The following OPCML variants were observed in gnomAD, a reference collection of about 807,000 sequenced individuals.
OPCML encodes opioid binding protein/cell adhesion molecule like.
In OPCML, 13 loss-of-function variants were observed where a neutral mutation model predicts 37.8. That is an observed-to-expected ratio of 0.34 (90% CI 0.22 to 0.55). OPCML has a LOEUF of 0.55. Ranked by LOEUF, OPCML falls within the 20% of genes least tolerant of loss-of-function variation. OPCML has a pLI of 0.91. For synonymous variants in OPCML, 176 were observed against 168.8 expected (o/e 1.04, Z -0.33); for missense variants, 341 against 435.6 (o/e 0.78, Z 1.93).
At chr11:132,493,624 A>G (rs544573019) in intron 4 of OPCML, among the ~76,000 whole-genome samples, 3 of 152,248 alleles carry the variant, frequency 2.0e-5, no homozygotes, top group South Asian at 4.2e-4. Flanking sequence ...TTTGTTCAAA[A>G]ATGTTCCCAA....
At chr11:132,925,556 G>A (rs118118411) in intron 2 of OPCML, among the ~76,000 whole-genome samples, 1 of 152,106 alleles carries the variant, frequency 6.6e-6, no homozygotes, top group East Asian at 1.9e-4. Flanking sequence ...TGGGGACTCC[G>A]CAAGGACTTA....
At chr11:133,147,918 C>G (rs1187029752) in intron 1 of OPCML, among the ~76,000 whole-genome samples, 1 of 152,188 alleles carries the variant, frequency 6.6e-6, no homozygotes, top group African/African-American at 2.4e-5. Flanking sequence ...TACTGCCCGT[C>G]CTGCAGTTGT....
chr11:133,297,802 C>A (rs1300308860), intron 1 of OPCML: 1 of 152,132 alleles, frequency 6.6e-6, no homozygotes, highest in African/African-American at 2.4e-5. Context: ...GGCTCTAAAT[C>A]TTAGTAAAAT....
At chr11:133,509,211 C>T (rs1448174289) in intron 1 of OPCML, among the ~76,000 whole-genome samples, 1 of 152,148 alleles carries the variant, frequency 6.6e-6, no homozygotes, top group Non-Finnish European at 1.5e-5. Context: ...TATCCTGATG[C>T]TCTCCCTCAA....
At chr11:132,553,683 T>A (rs1170731987) in intron 3 of OPCML, among the ~76,000 whole-genome samples, 1 of 152,238 alleles carries the variant, frequency 6.6e-6, no homozygotes, top group East Asian at 1.9e-4. Flanking sequence ...TAGAGGAAGT[T>A]TGAATGTTTA....
At position 132,657,330 on chromosome 11, in the gene OPCML, G is replaced by T. The variant is rs1384122982; in HGVS notation, c.147-11C>A. On this transcript the variant is annotated splice_polypyrimidine_tract_variant and intron_variant, in intron 2 of 7. Coordinates refer to ENST00000524381, the MANE Select transcript of OPCML (RefSeq NM_001012393.5). ...TCATCTATGGTACACCTGCAGTGAGGCAGGGAGTGGTGGAGGGAGGAAGAA... is the reference window on the plus strand; with the variant it reads ...TCATCTATGGTACACCTGCAGTGAGTCAGGGAGTGGTGGAGGGAGGAAGAA... The T allele has an allele frequency of 6.2e-7, 1 of 1,613,712 alleles. No individual in the cohort carries two copies. The highest frequency in any genetic ancestry group is 2.2e-5 in the East Asian group (1 of 44,874).
chr11:132,687,428 ATT>A (rs1943214466), intron 2 of OPCML, among the ~76,000 whole-genome samples: 4 of 96,452 alleles, frequency 4.1e-5, no homozygotes, highest in Non-Finnish European at 8.5e-5. Context: ...ATATATATAT[ATT>A]TAATCTGTAT....
intron 2 of OPCML, among the ~76,000 whole-genome samples, chr11:132,739,524 A>G (rs1248393856): frequency 6.6e-6 from 1 of 152,208 alleles, no homozygotes; most frequent in East Asian, 1.9e-4. Context: ...AGCCAAGAAA[A>G]GTACTGCTGC....
In OPCML at chr11:132,690,932, A is replaced by G. The variant is rs182896489; in HGVS notation, c.147-33613T>C. The stretch of plus-strand genomic sequence containing the variant: ...TATAGAAAAGTGCAATTGTATAAAG[A>G]AAACATGCAAAATAGGCTTTACGAA... On this transcript the variant is annotated intron_variant, in intron 2 of 7. Transcript: ENST00000524381. Among the ~76,000 whole-genome samples the G allele has an allele frequency of 6.8e-4, 104 of 152,354 alleles. 2 individuals carry two copies. Among genetic ancestry groups the G allele is most frequent in the African/African-American group, 2.5e-3 (102 of 41,580 alleles).
At chr11:132,576,587 A>G (rs2137600700) in intron 3 of OPCML, among the ~76,000 whole-genome samples, 1 of 152,134 alleles carries the variant, frequency 6.6e-6, no homozygotes, top group East Asian at 1.9e-4. Flanking sequence ...ATTCTCTCTT[A>G]GGTAAATTAT....
chr11:133,446,825 C>A (rs537497017), intron 1 of OPCML, among the ~76,000 whole-genome samples: 1 of 152,320 alleles, frequency 6.6e-6, no homozygotes, highest in South Asian at 2.1e-4. Context: ...CTTTTTTATA[C>A]AGCATAAGTT....
intron 3 of OPCML, among the ~76,000 whole-genome samples, chr11:132,615,695 G>GTCT (rs1271176478): frequency 6.6e-6 from 1 of 152,124 alleles, no homozygotes; most frequent in African/African-American, 2.4e-5. Context: ...TGATTTTGGT[G>GTCT]TCTGTTGGGG....
chr11:132,877,347 G>T (rs1168276084), intron 2 of OPCML, among the ~76,000 whole-genome samples: 1 of 152,146 alleles, frequency 6.6e-6, no homozygotes, highest in Non-Finnish European at 1.5e-5. Context: ...AAAAGGTGAG[G>T]TCTTCAGGTA....
intron 1 of OPCML, among the ~76,000 whole-genome samples, chr11:133,350,804 A>G (rs1944119389): frequency 6.6e-6 from 1 of 152,190 alleles, no homozygotes; most frequent in African/African-American, 2.4e-5. Flanking sequence ...GATGACAGGC[A>G]GCTTCTTCTC....
chr11:133,192,332 A>G (rs1938358374), intron 1 of OPCML, among the ~76,000 whole-genome samples: 2 of 152,172 alleles, frequency 1.3e-5, no homozygotes, highest in Admixed American at 6.5e-5. Flanking sequence ...AAATGGGTCT[A>G]TTTCCCAGTG....
chr11:132,639,677 A>G (rs917052168), intron 3 of OPCML, among the ~76,000 whole-genome samples: 4 of 152,254 alleles, frequency 2.6e-5, no homozygotes, highest in African/African-American at 9.6e-5. Context: ...CAGGCCTTCC[A>G]AAGAGACCTT....
chr11:133,430,945 T>C lies in OPCML; in HGVS notation c.61+101319A>G, dbSNP rs1037240821. 2.0e-5 allele frequency among the ~76,000 whole-genome samples: 3 copies of C among 152,194 alleles called. No homozygotes were observed. In the East Asian group the frequency reaches 5.8e-4, roughly 29 times the overall value. ...AGGTAAAATCTTACCAGAAAGCAGA[T>C]TGGCTTTATTAGTAACTTTAGAAGT... On this transcript the variant is annotated intron_variant, in intron 1 of 7. Coordinates refer to ENST00000524381, the MANE Select transcript of OPCML (RefSeq NM_001012393.5).
chr11:132,728,209 T>C (rs960538991), intron 2 of OPCML, among the ~76,000 whole-genome samples: 1 of 151,990 alleles, frequency 6.6e-6, no homozygotes, highest in African/African-American at 2.4e-5. Context: ...CTGGCCAGGC[T>C]CCTGTAGCCC....
chr11:133,066,567 T>C (rs1002473156), intron 1 of OPCML: 1 of 152,266 alleles, frequency 6.6e-6, no homozygotes, highest in Non-Finnish European at 1.5e-5. Context: ...TTCTATGTCC[T>C]GGTGCAAGTC....
Sources: allele counts gnomAD v4.1 joint callset (sites outside exome capture counted in the v4.1 genomes callset), GRCh38; gene constraint gnomAD v4.1.1; transcripts MANE v1.5; gene names NCBI Gene and HGNC (gene_info 2026-07-23, HGNC 2026-07-21).